The following DCAF8L2 variants were observed in gnomAD, a reference collection of about 807,000 sequenced individuals.
The protein encoded by DCAF8L2 is DDB1 and CUL4 associated factor 8 like 2, also known as DDB1- and CUL4-associated factor 8-like protein 2.
For synonymous variants in DCAF8L2, 200 were observed against 190.9 expected (o/e 1.05, Z -0.39); for missense variants, 430 against 490.7 (o/e 0.88, Z 1.17).
rs1365289598 is a variant in DCAF8L2, at chrX:27,647,314, A to C, written c.-220+15314A>C. On this transcript the variant is annotated intron_variant, in intron 2 of 4. Coordinates refer to ENST00000451261, the MANE Select transcript of DCAF8L2 (RefSeq NM_001353450.2). ...TCAGCAAACTAACGCAGGAACAGAA[A>C]ACCAAACATCGCATGTTCTCACTTA... 3.6e-5 allele frequency among the ~76,000 whole-genome samples: 4 copies of C among 112,155 alleles called. No individual in the cohort carries two copies. In the East Asian group the frequency reaches 1.1e-3, roughly 32 times the overall value.
At chrX:27,541,228 A>G in the DCAF8L2 span, among the ~76,000 whole-genome samples, 9 of 112,296 alleles carry the variant, frequency 8.0e-5, no homozygotes, top group African/African-American at 2.3e-4. Context: ...ACAGCCATGT[A>G]GAAATATGAT....
chrX:27,579,615 TACACACACAC>T, the DCAF8L2 span, among the ~76,000 whole-genome samples: 652 of 87,811 alleles, frequency 7.4e-3, 3 homozygotes, highest in Middle Eastern at 0.019. Context: ...TTCAGAGAAA[TACACACACAC>T]ACACACACAC....
At chrX:27,730,986 G>T (rs1921160303) in intron 4 of DCAF8L2, among the ~76,000 whole-genome samples, 2 of 111,113 alleles carry the variant, frequency 1.8e-5, no homozygotes, top group Admixed American at 1.9e-4. Flanking sequence ...AAAATATTTA[G>T]AATCAAGTAC....
At chrX:27,624,922 T>C (rs908547246) in intron 1 of DCAF8L2, among the ~76,000 whole-genome samples, 6 of 111,938 alleles carry the variant, frequency 5.4e-5, no homozygotes, top group African/African-American at 1.3e-4. Context: ...GGAAATACCA[T>C]TCTGGATATA....
At chrX:27,607,159 T>C (rs1926944996) in intron 1 of DCAF8L2, among the ~76,000 whole-genome samples, 1 of 111,828 alleles carries the variant, frequency 8.9e-6, no homozygotes, top group African/African-American at 3.2e-5. Flanking sequence ...CTGATAATGT[T>C]TATAAATTAT....
At chrX:27,528,281 T>C in the DCAF8L2 span, among the ~76,000 whole-genome samples, 1 of 107,433 alleles carries the variant, frequency 9.3e-6, no homozygotes, top group African/African-American at 3.3e-5. Flanking sequence ...TAGCATATTC[T>C]CTGTTTACTA....
At chrX:27,512,798 A>AAAC in the DCAF8L2 span, among the ~76,000 whole-genome samples, 5 of 97,637 alleles carry the variant, frequency 5.1e-5, no homozygotes, top group Non-Finnish European at 8.1e-5. Context: ...AAAAAAAAAA[A>AAAC]AAAAAAAAAA....
chrX:27,619,050 ATATC>A (rs1927623638), intron 1 of DCAF8L2, among the ~76,000 whole-genome samples: 2 of 92,184 alleles, frequency 2.2e-5, no homozygotes, highest in African/African-American at 4.1e-5. Flanking sequence ...TATCTATCTT[ATATC>A]TATCTATCTA....
the DCAF8L2 span, among the ~76,000 whole-genome samples, chrX:27,536,834 C>T: frequency 9.0e-6 from 1 of 111,594 alleles, no homozygotes; most frequent in African/African-American, 3.3e-5. Context: ...ATCTGGGGAC[C>T]CTCCACCTTA....
the DCAF8L2 span, among the ~76,000 whole-genome samples, chrX:27,501,658 C>G: frequency 3.0e-3 from 332 of 111,024 alleles, 1 homozygote; most frequent in South Asian, 5.4e-3. Context: ...AAATCACCAA[C>G]TCTCCGTGAT....
At chrX:27,673,530 TG>T in intron 2 of DCAF8L2, among the ~76,000 whole-genome samples, 1 of 105,777 alleles carries the variant, frequency 9.5e-6, no homozygotes, top group African/African-American at 3.4e-5. Context: ...AAAAAAGATT[TG>T]GGGTTAGGTA....
At chrX:27,692,785 C>T (rs1432759274) in intron 3 of DCAF8L2, among the ~76,000 whole-genome samples, 1 of 111,153 alleles carries the variant, frequency 9.0e-6, no homozygotes, top group African/African-American at 3.3e-5. Context: ...TCTGGAGACA[C>T]TCTTGATTAT....
chrX:27,606,888 C>G (rs1453097166), intron 1 of DCAF8L2, among the ~76,000 whole-genome samples: 2 of 111,095 alleles, frequency 1.8e-5, no homozygotes, highest in African/African-American at 6.6e-5. Context: ...CACTTTAACT[C>G]TAGAAAACTT....
chrX:27,491,748 G>GTT, the DCAF8L2 span, among the ~76,000 whole-genome samples: 1 of 108,581 alleles, frequency 9.2e-6, no homozygotes, highest in East Asian at 3.0e-4. Flanking sequence ...TACTTTCAGT[G>GTT]TTTTTTTTTA....
chrX:27,487,776 C>T, the DCAF8L2 span, among the ~76,000 whole-genome samples: 23 of 111,939 alleles, frequency 2.1e-4, no homozygotes, highest in African/African-American at 6.2e-4. Flanking sequence ...TGTTTGCAGT[C>T]ACTTCTCCTT....
intron 1 of DCAF8L2, among the ~76,000 whole-genome samples, chrX:27,616,240 T>C (rs1168456205): frequency 9.0e-6 from 1 of 111,317 alleles, no homozygotes; most frequent in African/African-American, 3.3e-5. Context: ...GTTTGTTTTT[T>C]TATGCTCTCC....
At chrX:27,744,858 A>AG (rs1450519666) in intron 4 of DCAF8L2, among the ~76,000 whole-genome samples, 1 of 112,142 alleles carries the variant, frequency 8.9e-6, no homozygotes, top group Admixed American at 9.5e-5. Flanking sequence ...CCATGATTAA[A>AG]GCTTCCTGAG....
the DCAF8L2 span, among the ~76,000 whole-genome samples, chrX:27,477,080 T>C: frequency 8.9e-6 from 1 of 111,984 alleles, no homozygotes; most frequent in African/African-American, 3.2e-5. Context: ...GAACAAAAGC[T>C]GAACTTGTTT....
At chrX:27,721,340 T>G (rs1050233357) in intron 4 of DCAF8L2, among the ~76,000 whole-genome samples, 2 of 111,808 alleles carry the variant, frequency 1.8e-5, no homozygotes, top group African/African-American at 3.2e-5. Context: ...TTGCTCATAA[T>G]AAGGTACTGA....
Sources: gnomAD v4.1 joint callset for allele counts (sites outside exome capture counted in the v4.1 genomes callset) on GRCh38, gnomAD v4.1.1 for gene constraint, MANE v1.5 for transcripts, NCBI Gene and HGNC (gene_info 2026-07-23, HGNC 2026-07-21) for gene names.